Variants in ENOX2 observed in about 807,000 individuals in gnomAD.
ENOX2 encodes ecto-NOX disulfide-thiol exchanger 2.
ENOX2 carries 36 observed loss-of-function variants against 45.0 expected under a neutral mutation model. The ratio of observed to expected loss-of-function variants is 0.80; its 90% CI spans 0.61 to 1.06. ENOX2 has a LOEUF of 1.06. Ranked by LOEUF, ENOX2 falls within the 50% of genes least tolerant of loss-of-function variation. The probability of loss-of-function intolerance (pLI) is 0.00; values close to 1 mark genes in which losing one functional copy is unlikely to be tolerated. For missense variants in ENOX2, 423 were observed against 462.5 expected (o/e 0.91, Z 0.78); for synonymous variants, 174 against 152.3 (o/e 1.14, Z -1.05).
intron 3 of ENOX2, among the ~76,000 whole-genome samples, chrX:130,771,494 C>G (rs2039739883): frequency 9.0e-6 from 1 of 111,156 alleles, no homozygotes; most frequent in Non-Finnish European, 1.9e-5. Context: ...TTTTTCGTTT[C>G]TAGGCTCCAC....
chrX:130,671,826 A>G (rs1340599496), intron 6 of ENOX2, among the ~76,000 whole-genome samples: 2 of 111,978 alleles, frequency 1.8e-5, no homozygotes, highest in Non-Finnish European at 3.8e-5. Context: ...TAAAAGGACC[A>G]AAATTTTCCC....
At chrX:130,659,314 C>CT (rs1227314658) in intron 9 of ENOX2, among the ~76,000 whole-genome samples, 7 of 112,029 alleles carry the variant, frequency 6.2e-5, no homozygotes, top group Admixed American at 5.6e-4. Context: ...ATAAAAGACT[C>CT]TTTTTTTAAA....
At chrX:130,693,964 G>A (rs2037685055) in intron 4 of ENOX2, among the ~76,000 whole-genome samples, 1 of 111,718 alleles carries the variant, frequency 9.0e-6, no homozygotes, top group African/African-American at 3.3e-5. Context: ...GACAGAAGAT[G>A]GATCCAGCTG....
chrX:130,891,357 A>G lies in ENOX2; in HGVS notation c.-183+10327T>C, dbSNP rs1040998578. 1.1e-4 allele frequency among the ~76,000 whole-genome samples: 12 copies of G among 108,050 alleles called. No individual in the cohort carries two copies. The East Asian group carries it at 3.4e-3, about 31-fold the overall frequency. The allele number at this position is 108,050 out of a possible 115,157, so 93.8% of individuals were successfully genotyped here. On this transcript the variant is annotated intron_variant, in intron 2 of 14. Coordinates refer to ENST00000394363, the MANE Select transcript of ENOX2 (RefSeq NM_006375.4). Reference sequence around the variant, plus strand: ...TTTCCTCAAGTGAAAGTTACAGATGAGTTGTTTGGTCCAATAAAAGGAAAA... The same window carrying G: ...TTTCCTCAAGTGAAAGTTACAGATGGGTTGTTTGGTCCAATAAAAGGAAAA...
intron 2 of ENOX2, among the ~76,000 whole-genome samples, chrX:130,797,972 G>A (rs1294270665): frequency 9.0e-6 from 1 of 110,919 alleles, no homozygotes; most frequent in Non-Finnish European, 1.9e-5. Flanking sequence ...TTAAGGCAGT[G>A]TGTCTTATCC....
intron 2 of ENOX2, among the ~76,000 whole-genome samples, chrX:130,837,017 T>C (rs778997938): frequency 8.9e-6 from 1 of 111,801 alleles, no homozygotes; most frequent in South Asian, 3.7e-4. Flanking sequence ...AATAGATAAC[T>C]GACATTATCA....
At chrX:130,672,130 G>A (rs926699540) in intron 6 of ENOX2, among the ~76,000 whole-genome samples, 1 of 111,755 alleles carries the variant, frequency 8.9e-6, no homozygotes, top group African/African-American at 3.3e-5. Context: ...GATATAAAAA[G>A]AGCCACAATC....
intron 3 of ENOX2, among the ~76,000 whole-genome samples, chrX:130,777,992 A>T (rs1349899831): frequency 1.8e-5 from 2 of 112,105 alleles, no homozygotes; most frequent in African/African-American, 6.5e-5. Flanking sequence ...CTTTGGCAAG[A>T]TAATAATTCA....
chrX:130,827,820 G>T (rs1046892892), intron 2 of ENOX2, among the ~76,000 whole-genome samples: 5 of 111,737 alleles, frequency 4.5e-5, no homozygotes, highest in African/African-American at 1.6e-4. Flanking sequence ...ATGGTGAAGT[G>T]TGCATGTGTT....
intron 3 of ENOX2, among the ~76,000 whole-genome samples, chrX:130,705,532 G>A (rs1453081604): frequency 8.9e-6 from 1 of 112,303 alleles, no homozygotes; most frequent in Non-Finnish European, 1.9e-5. Context: ...AGGAACATGT[G>A]TGATTAACAA....
intron 3 of ENOX2, among the ~76,000 whole-genome samples, chrX:130,774,999 C>T (rs1356576863): frequency 1.8e-5 from 2 of 111,998 alleles, no homozygotes; most frequent in African/African-American, 6.5e-5. Context: ...CATTCTGTGG[C>T]GAAGAAGAAA....
chrX:130,803,091 TA>T (rs1160646230), intron 2 of ENOX2, among the ~76,000 whole-genome samples: 2 of 112,090 alleles, frequency 1.8e-5, no homozygotes, highest in Non-Finnish European at 3.8e-5. Context: ...GCTTTATGCA[TA>T]TTTGGTGCAA....
intron 6 of ENOX2, among the ~76,000 whole-genome samples, chrX:130,675,384 A>G (rs1226898357): frequency 8.9e-6 from 1 of 112,784 alleles, no homozygotes; most frequent in African/African-American, 3.2e-5. Flanking sequence ...CAAAAGACAC[A>G]TTATGTACAG....
At chrX:130,655,016 CTAAA>C in intron 10 of ENOX2, among the ~76,000 whole-genome samples, 1 of 112,092 alleles carries the variant, frequency 8.9e-6, no homozygotes, top group East Asian at 2.8e-4. Flanking sequence ...GTAACACTGA[CTAAA>C]TACTGTGTAC....
intron 2 of ENOX2, among the ~76,000 whole-genome samples, chrX:130,883,193 C>T (rs985742820): frequency 2.7e-5 from 3 of 111,509 alleles, no homozygotes; most frequent in Non-Finnish European, 5.6e-5. Flanking sequence ...TCACTGTAAC[C>T]TCTGCCTCCC....
chrX:130,862,276 ACT>A (rs1002889264), intron 2 of ENOX2, among the ~76,000 whole-genome samples: 2 of 109,167 alleles, frequency 1.8e-5, no homozygotes, highest in African/African-American at 6.7e-5. Flanking sequence ...CAATCCAGAC[ACT>A]CTCTCGTCTG....
intron 9 of ENOX2, among the ~76,000 whole-genome samples, 162 bp downstream of exon 9, chrX:130,665,481 G>A (rs1451125111): frequency 8.9e-6 from 1 of 112,099 alleles, no homozygotes; most frequent in Non-Finnish European, 1.9e-5. Flanking sequence ...AGGTGGTCTG[G>A]ACACAGTGAC....
At position 130,833,055 on chromosome X, in the gene ENOX2, A is replaced by AC. The variant is rs59360872; in HGVS notation, c.-182-49366_-182-49365insG. Among the ~76,000 whole-genome samples the AC allele has an allele frequency of 4.4e-3, 466 of 105,580 alleles. 2 individuals carry two copies. Among genetic ancestry groups the AC allele is most frequent in the African/African-American group, 0.016 (446 of 28,530 alleles). 91.7% of individuals were successfully genotyped at this position (105,580 alleles called of 115,157 possible). A position where few individuals can be genotyped will look rare whatever the true frequency, so the allele number is the denominator to read the frequency against. ...CACACACACACACACACACACACACAAACAGCACTGAATTTTCTTTTCACC... is the reference window on the plus strand; with the variant it reads ...CACACACACACACACACACACACACACAACAGCACTGAATTTTCTTTTCACC... On this transcript the variant is annotated intron_variant, in intron 2 of 14. Transcript: ENST00000394363.
At chrX:130,692,580 G>T (rs5977350) in intron 4 of ENOX2, among the ~76,000 whole-genome samples, 5,632 of 94,855 alleles carry the variant, frequency 0.059, 376 homozygotes, top group African/African-American at 0.2. Flanking sequence ...ATCTCTCTCT[G>T]TTTTTTTTTT....
Sources: allele counts gnomAD v4.1 joint callset (sites outside exome capture counted in the v4.1 genomes callset), GRCh38; gene constraint gnomAD v4.1.1; transcripts MANE v1.5; gene names NCBI Gene and HGNC (gene_info 2026-07-23, HGNC 2026-07-21).